Variants in PLS3 observed in about 807,000 individuals in gnomAD.
PLS3 encodes the protein plastin-3.
A neutral mutation model predicts 46.5 loss-of-function variants in PLS3; 11 were observed. That is an observed-to-expected ratio of 0.24 (90% CI 0.15 to 0.39). The LOEUF is 0.39. Ranked by LOEUF, PLS3 falls within the 10% of genes least tolerant of loss-of-function variation. The pLI is 1.00. For synonymous variants in PLS3, 167 were observed against 162.2 expected (o/e 1.03, Z -0.22); for missense variants, 308 against 461.8 (o/e 0.67, Z 3.05).
intron 1 of PLS3, among the ~76,000 whole-genome samples, chrX:115,595,835 C>T (rs1362922243): frequency 9.2e-6 from 1 of 108,618 alleles, no homozygotes; most frequent in Non-Finnish European, 1.9e-5. Flanking sequence ...ATTACAGGCA[C>T]CCACCACCAC....
intron 1 of PLS3, among the ~76,000 whole-genome samples, chrX:115,606,154 T>C (rs1196747125): frequency 2.7e-5 from 2 of 75,310 alleles, no homozygotes; most frequent in African/African-American, 1.1e-4. Context: ...CTTTCTTTTT[T>C]CTTTTCTTTT....
intron 1 of PLS3, among the ~76,000 whole-genome samples, chrX:115,596,364 G>A (rs1382764216): frequency 8.9e-6 from 1 of 111,766 alleles, no homozygotes; most frequent in Non-Finnish European, 1.9e-5. Flanking sequence ...AGGTGCTTGT[G>A]GTGAGCCAAG....
At chrX:115,617,933 GT>G (rs1423616358) in intron 2 of PLS3, among the ~76,000 whole-genome samples, 12 of 111,381 alleles carry the variant, frequency 1.1e-4, no homozygotes, top group Non-Finnish European at 2.1e-4. Context: ...GGAGTTTTTT[GT>G]TTTTGCTTTT....
At chrX:115,627,735 T>TGTC (rs1556638659) in intron 3 of PLS3, among the ~76,000 whole-genome samples, 1 of 112,092 alleles carries the variant, frequency 8.9e-6, no homozygotes, top group Admixed American at 9.5e-5. Flanking sequence ...TGTATGTGTG[T>TGTC]GTCTGCATAC....
At chrX:115,587,608 A>G (rs902389215) in intron 1 of PLS3, among the ~76,000 whole-genome samples, 21 of 110,349 alleles carry the variant, frequency 1.9e-4, no homozygotes, top group South Asian at 3.8e-4. Context: ...GGTGGCGGGC[A>G]CCTGTAGTCC....
chrX:115,595,772 T>C (rs1037042552), intron 1 of PLS3, among the ~76,000 whole-genome samples: 1 of 94,777 alleles, frequency 1.1e-5, no homozygotes, highest in Non-Finnish European at 2.0e-5. Flanking sequence ...TCATGCAACC[T>C]CCACCTCCCG....
intron 3 of PLS3, among the ~76,000 whole-genome samples, chrX:115,623,868 TC>T (rs2074681562): frequency 8.9e-6 from 1 of 112,117 alleles, no homozygotes; most frequent in African/African-American, 3.2e-5. Flanking sequence ...ACTGTAGTAG[TC>T]CAAGAAGCAA....
intron 8 of PLS3, chrX:115,640,195 A>G (rs2074880786): frequency 2.3e-6 from 2 of 865,602 alleles, no homozygotes; most frequent in African/African-American, 4.0e-5. Context: ...AATAATTGCG[A>G]AGTCATGTCA....
intron 15 of PLS3, among the ~76,000 whole-genome samples, 166 bp from the exon 16 acceptor site, chrX:115,649,262 CA>C (rs1556642164): frequency 9.0e-6 from 1 of 111,670 alleles, no homozygotes; most frequent in Non-Finnish European, 1.9e-5. Context: ...AAAGTGAAAT[CA>C]AAACCCAAAT....
chrX:115,562,401 C>T (rs2074144476), intron 1 of PLS3: 1 of 111,832 alleles, frequency 8.9e-6, no homozygotes, highest in Non-Finnish European at 1.9e-5. Flanking sequence ...CCTTGCCTCT[C>T]ACCTGAGCTG....
At chrX:115,608,108 G>A (rs1222008149) in intron 1 of PLS3, among the ~76,000 whole-genome samples, 1 of 111,575 alleles carries the variant, frequency 9.0e-6, no homozygotes, top group African/African-American at 3.3e-5. Flanking sequence ...CTGTTTTATT[G>A]AGTGCCTTAC....
intron 8 of PLS3, chrX:115,640,009 A>C (rs2074878579): frequency 3.7e-6 from 2 of 543,234 alleles, no homozygotes; most frequent in East Asian, 7.2e-5. Flanking sequence ...TGGTATATGC[A>C]TTGTGCTTTG....
At chrX:115,566,455 C>T (rs1230449230) in intron 1 of PLS3, among the ~76,000 whole-genome samples, 3 of 107,249 alleles carry the variant, frequency 2.8e-5, no homozygotes, top group Non-Finnish European at 3.8e-5. Context: ...CGGCCGTGAT[C>T]TCGGCTCACT....
At chrX:115,568,760 A>G (rs371617918) in intron 1 of PLS3, among the ~76,000 whole-genome samples, 1 of 112,600 alleles carries the variant, frequency 8.9e-6, no homozygotes, top group Non-Finnish European at 1.9e-5. Flanking sequence ...AAGGCTGGGC[A>G]TGGTGGCTCA....
intron 7 of PLS3, among the ~76,000 whole-genome samples, chrX:115,636,434 C>G (rs1357050445): frequency 2.7e-5 from 3 of 110,988 alleles, no homozygotes; most frequent in Non-Finnish European, 5.7e-5. Flanking sequence ...TCTTGATCTC[C>G]TGACCTCGTG....
intron 1 of PLS3, among the ~76,000 whole-genome samples, chrX:115,596,764 G>T (rs782630877): frequency 2.7e-5 from 3 of 110,725 alleles, no homozygotes; most frequent in Non-Finnish European, 5.7e-5. Context: ...TTGAACCCAG[G>T]AGTCGGAGGT....
At chrX:115,601,208 T>C (rs1459702704) in intron 1 of PLS3, among the ~76,000 whole-genome samples, 1 of 109,023 alleles carries the variant, frequency 9.2e-6, no homozygotes, top group Non-Finnish European at 1.9e-5. Flanking sequence ...ACATGGCCTG[T>C]TTGGGGAATA....
chrX:115,649,084 GTTA>G (rs1358305916), intron 15 of PLS3, among the ~76,000 whole-genome samples: 4 of 111,531 alleles, frequency 3.6e-5, no homozygotes, highest in Non-Finnish European at 5.6e-5. Context: ...TTGAGTGTGT[GTTA>G]TTATGTGTGC....
intron 2 of PLS3, among the ~76,000 whole-genome samples, chrX:115,615,163 G>T (rs956421382): frequency 5.4e-5 from 6 of 111,280 alleles, no homozygotes; most frequent in Admixed American, 2.9e-4. Context: ...ATTGCAGCAC[G>T]TACCACCTGG....
Sources: allele counts gnomAD v4.1 joint callset (sites outside exome capture counted in the v4.1 genomes callset), GRCh38; gene constraint gnomAD v4.1.1; transcripts MANE v1.5; gene names NCBI Gene and HGNC (gene_info 2026-07-23, HGNC 2026-07-21).